Variants in KALRN observed in about 807,000 individuals in gnomAD.
The protein encoded by KALRN is kalirin.
A neutral mutation model predicts 353.7 loss-of-function variants in KALRN; 70 were observed. That is an observed-to-expected ratio of 0.20 (90% confidence interval 0.16 to 0.24). The LOEUF is 0.24. Ranked by LOEUF, KALRN falls within the 10% of genes least tolerant of loss-of-function variation. The pLI is 1.00. For missense variants in KALRN, 2,791 were observed against 3,756.7 expected (o/e 0.74, Z 6.72); for synonymous variants, 1,391 against 1,434.8 (o/e 0.97, Z 0.69).
intron 16 of KALRN, among the ~76,000 whole-genome samples, chr3:124,432,880 G>A (rs576833331): frequency 1.5e-4 from 23 of 152,196 alleles, no homozygotes; most frequent in Non-Finnish European, 2.9e-4. Context: ...AGTCTCGAGA[G>A]GGCATGGCAG....
intron 11 of KALRN, among the ~76,000 whole-genome samples, chr3:124,390,590 C>G (rs1239661075): frequency 6.6e-6 from 1 of 152,128 alleles, no homozygotes; most frequent in Non-Finnish European, 1.5e-5. Flanking sequence ...AAGAAACAAG[C>G]TGGTGGTTGA....
At chr3:124,514,117 G>A (rs1389330862) in intron 33 of KALRN, among the ~76,000 whole-genome samples, 1 of 152,168 alleles carries the variant, frequency 6.6e-6, no homozygotes, top group Non-Finnish European at 1.5e-5. Flanking sequence ...TTTTGTTACT[G>A]TATATCTCAG....
chr3:124,288,390 G>C (rs767646693), intron 5 of KALRN, among the ~76,000 whole-genome samples: 14 of 152,140 alleles, frequency 9.2e-5, no homozygotes, highest in Non-Finnish European at 1.5e-4. Context: ...ATGGTGGGGG[G>C]AAATGTGGAC....
chr3:124,122,835 A>G, intron 1 of KALRN, among the ~76,000 whole-genome samples: 1 of 152,190 alleles, frequency 6.6e-6, no homozygotes, highest in Non-Finnish European at 1.5e-5. Flanking sequence ...TTCAAGTGAA[A>G]GGAAGAGTCA....
At chr3:124,366,857 GA>G (rs2084802251) in intron 10 of KALRN, among the ~76,000 whole-genome samples, 1 of 144,596 alleles carries the variant, frequency 6.9e-6, no homozygotes, top group Non-Finnish European at 1.5e-5. Flanking sequence ...CTCCCTCCCG[GA>G]CGGGGCGGCT....
At chr3:124,294,489 T>G (rs1248824619) in intron 5 of KALRN, among the ~76,000 whole-genome samples, 2 of 147,858 alleles carry the variant, frequency 1.4e-5, no homozygotes, top group Non-Finnish European at 3.0e-5. Context: ...CATCACACAA[T>G]TGTCAGGGCT....
chr3:124,075,482 G>A (rs2060216587), intron 1 of KALRN, among the ~76,000 whole-genome samples: 1 of 152,142 alleles, frequency 6.6e-6, no homozygotes, highest in Non-Finnish European at 1.5e-5. Context: ...AATAACCTTT[G>A]GGGTTGACCT....
intron 51 of KALRN, among the ~76,000 whole-genome samples, chr3:124,690,830 C>G (rs1445867094): frequency 6.6e-6 from 1 of 152,188 alleles, no homozygotes; most frequent in Non-Finnish European, 1.5e-5. Flanking sequence ...GCTGGGATTA[C>G]AGGTGTGAGC....
intron 8 of KALRN, among the ~76,000 whole-genome samples, chr3:124,332,981 G>A (rs1472340639): frequency 6.6e-6 from 1 of 152,134 alleles, no homozygotes; most frequent in Non-Finnish European, 1.5e-5. Context: ...AAAAAAAAGA[G>A]GTTTGATGCA....
intron 57 of KALRN, among the ~76,000 whole-genome samples, chr3:124,705,238 C>T (rs2062544968): frequency 6.6e-6 from 1 of 152,176 alleles, no homozygotes; most frequent in Non-Finnish European, 1.5e-5. Context: ...CATCTATCTT[C>T]ACTTCTTCCT....
chr3:124,547,962 G>A (rs1373707311), intron 33 of KALRN, among the ~76,000 whole-genome samples: 1 of 152,102 alleles, frequency 6.6e-6, no homozygotes, highest in East Asian at 1.9e-4. Flanking sequence ...TCTATAACTT[G>A]CCCAAGTGTT....
chr3:124,082,421 C>T (rs1438468615), intron 1 of KALRN: 5 of 396,652 alleles, frequency 1.3e-5, no homozygotes, highest in African/African-American at 8.4e-5. Context: ...TAATTCTTCT[C>T]CAGAATCCCA....
At chr3:124,687,607 C>T (rs1177379876) in intron 51 of KALRN, among the ~76,000 whole-genome samples, 1 of 141,832 alleles carries the variant, frequency 7.1e-6, no homozygotes, top group African/African-American at 2.5e-5. Context: ...GACACATGGA[C>T]ACATATAGAG....
At chr3:124,301,737 C>T (rs145433818) in intron 6 of KALRN, among the ~76,000 whole-genome samples, 166 of 152,232 alleles carry the variant, frequency 1.1e-3, no homozygotes, top group African/African-American at 3.4e-3. Context: ...GGCTACTGCT[C>T]GAACTCAGTG....
At position 124,334,472 on chromosome 3, in the gene KALRN, G is replaced by A. The variant is rs1056310843; in HGVS notation, c.1624G>A (p.Val542Ile). The part of the protein sequence containing the change: ...VRLHQRLQLC[V>I]FQQDVQQVLD... ...GCTCCACCAGCGGCTGCAGCTCTGC[G>A]TCTTCCAGCAGGATGTACAGCAGGT... is the stretch of plus-strand genomic sequence containing the variant. Residue 542 changes from valine to isoleucine, a missense_variant, in exon 9 of 60, where the codon GTC becomes ATC. Coordinates refer to ENST00000682506, the MANE Select transcript of KALRN (RefSeq NM_001388419.1). This position sits in a 1 kb window ranked among gnomAD's most constrained non-coding sequence, Gnocchi z 4.2. 1.9e-6 allele frequency: 3 copies of A among 1,613,666 alleles called. No individual in the cohort carries two copies. The highest frequency in any genetic ancestry group is 2.5e-6 in the Non-Finnish European group (3 of 1,179,686).
intron 5 of KALRN, among the ~76,000 whole-genome samples, chr3:124,291,767 G>T (rs2076439140): frequency 6.6e-6 from 1 of 152,208 alleles, no homozygotes; most frequent in Admixed American, 6.5e-5. Flanking sequence ...ACCAGGCTGT[G>T]CTGTCCTTCC....
At chr3:124,426,081 A>G (rs954150789) in intron 15 of KALRN, among the ~76,000 whole-genome samples, 1 of 152,212 alleles carries the variant, frequency 6.6e-6, no homozygotes, top group Non-Finnish European at 1.5e-5. Flanking sequence ...GTGGCCCTCG[A>G]GGTGCCAAGG....
chr3:124,373,434 TC>T (rs1286758839), intron 10 of KALRN, among the ~76,000 whole-genome samples: 3 of 152,180 alleles, frequency 2.0e-5, no homozygotes, highest in Admixed American at 6.5e-5. Context: ...CGTGTTTGTT[TC>T]CCGTGGCTAC....
intron 1 of KALRN, among the ~76,000 whole-genome samples, chr3:124,209,354 A>C (rs1264084410): frequency 2.6e-5 from 4 of 151,828 alleles, no homozygotes; most frequent in Non-Finnish European, 4.4e-5. Context: ...AAAATACAAA[A>C]AATCAGCTGG....
Sources: gnomAD v4.1 joint callset for allele counts (sites outside exome capture counted in the v4.1 genomes callset) on GRCh38, gnomAD v4.1.1 for gene constraint, Gnocchi (gnomAD v3.1) non-coding constraint, MANE v1.5 for transcripts, NCBI Gene and HGNC (gene_info 2026-07-23, HGNC 2026-07-21) for gene names.